Variants in CNTNAP2 observed in about 807,000 individuals in gnomAD.
The protein encoded by CNTNAP2 is contactin-associated protein-like 2.
CNTNAP2 carries 98 observed loss-of-function variants against 155.2 expected under a neutral mutation model. The ratio of observed to expected loss-of-function variants is 0.63; its 90% CI spans 0.54 to 0.75. The LOEUF is 0.75. CNTNAP2 is among the 30% of genes least tolerant of loss of function. The probability of loss-of-function intolerance (pLI) is 0.00; values close to 1 mark genes in which losing one functional copy is unlikely to be tolerated. For missense variants in CNTNAP2, 1,727 were observed against 1,688.1 expected, an observed-to-expected ratio of 1.02 and a Z score of -0.40; for synonymous variants, 651 against 631.2, an observed-to-expected ratio of 1.03 and a Z score of -0.47.
chr7:146,338,097 G>A (rs965968268), intron 1 of CNTNAP2, among the ~76,000 whole-genome samples: 1 of 152,128 alleles, frequency 6.6e-6, no homozygotes, highest in Admixed American at 6.5e-5. Context: ...GGGGACAAAT[G>A]GATATACAGA....
intron 1 of CNTNAP2, among the ~76,000 whole-genome samples, chr7:146,125,021 T>C (rs886884210): frequency 6.6e-6 from 1 of 152,190 alleles, no homozygotes; most frequent in African/African-American, 2.4e-5. Context: ...AGTATACTTA[T>C]GATTTAAGTC....
chr7:146,606,054 T>G (rs1354686197), intron 1 of CNTNAP2, among the ~76,000 whole-genome samples: 2 of 152,214 alleles, frequency 1.3e-5, no homozygotes, highest in Admixed American at 1.3e-4. Flanking sequence ...TTAATATGTA[T>G]GTATACATTT....
intron 8 of CNTNAP2, among the ~76,000 whole-genome samples, chr7:147,268,432 G>A (rs1327572624): frequency 6.6e-6 from 1 of 152,160 alleles, no homozygotes; most frequent in African/African-American, 2.4e-5. Context: ...AACACCACGT[G>A]TTCTCACGCA....
rs532828559 is a variant in CNTNAP2, at chr7:147,118,063, T to G, written c.755-2916T>G. 1.8e-4 allele frequency among the ~76,000 whole-genome samples: 28 copies of G among 152,130 alleles called. No homozygotes were observed. The East Asian group carries it at 5.2e-3, about 28-fold the overall frequency. ...AATACCAAGACATTAGGAGAAAATA[T>G]AGGCAAATGATATACAAGATAACTC... On this transcript the variant is annotated intron_variant, in intron 5 of 23. Transcript: ENST00000361727.
intron 13 of CNTNAP2, among the ~76,000 whole-genome samples, chr7:147,648,369 A>G (rs1795400834): frequency 6.6e-6 from 1 of 152,200 alleles, no homozygotes; most frequent in South Asian, 2.1e-4. Flanking sequence ...CATTTATCTC[A>G]TTTAACTCTC....
intron 4 of CNTNAP2, among the ~76,000 whole-genome samples, chr7:147,083,436 A>G (rs1458364084): frequency 2.0e-5 from 3 of 151,388 alleles, no homozygotes; most frequent in Non-Finnish European, 4.4e-5. Flanking sequence ...TGTATATTGT[A>G]ATGTGTACAT....
At chr7:146,789,311 A>G (rs1802631140) in intron 2 of CNTNAP2, among the ~76,000 whole-genome samples, 3 of 152,208 alleles carry the variant, frequency 2.0e-5, no homozygotes, top group South Asian at 4.1e-4. Flanking sequence ...GTTATAAAGC[A>G]TAACTAAAGT....
At chr7:147,824,445 C>T (rs925268083) in intron 13 of CNTNAP2, among the ~76,000 whole-genome samples, 1 of 152,060 alleles carries the variant, frequency 6.6e-6, no homozygotes, top group Admixed American at 6.6e-5. Context: ...GGGGGAAGTT[C>T]CAAATACTAC....
chr7:148,361,480 G>C (rs1168350093), intron 21 of CNTNAP2, among the ~76,000 whole-genome samples: 1 of 152,094 alleles, frequency 6.6e-6, no homozygotes, highest in Non-Finnish European at 1.5e-5. Context: ...GGTCCTCTTG[G>C]GGACTCAGAG....
intron 14 of CNTNAP2, among the ~76,000 whole-genome samples, chr7:147,966,954 A>G (rs1801225537): frequency 6.6e-6 from 1 of 152,064 alleles, no homozygotes; most frequent in Non-Finnish European, 1.5e-5. Flanking sequence ...AACGCTTCAG[A>G]AACACCGAGA....
chr7:147,851,679 G>C (rs982519530), intron 13 of CNTNAP2, among the ~76,000 whole-genome samples: 4 of 148,868 alleles, frequency 2.7e-5, no homozygotes, highest in Admixed American at 1.4e-4. Context: ...CAAACACCAC[G>C]TGTTCTCACT....
chr7:146,118,033 G>A (rs1185875514), intron 1 of CNTNAP2, among the ~76,000 whole-genome samples: 4 of 152,184 alleles, frequency 2.6e-5, no homozygotes, highest in African/African-American at 4.8e-5. Context: ...CGTCATATGC[G>A]AAGTAGTCTT....
intron 1 of CNTNAP2, among the ~76,000 whole-genome samples, chr7:146,423,412 G>GA: frequency 6.6e-6 from 1 of 152,154 alleles, no homozygotes; most frequent in South Asian, 2.1e-4. Context: ...ATTAATTGGA[G>GA]AAAAAAGTGC....
chr7:146,539,278 ATGGGTTTCTGAAGAATGAGGAAGG>A (rs1797916121), intron 1 of CNTNAP2, among the ~76,000 whole-genome samples: 1 of 152,070 alleles, frequency 6.6e-6, no homozygotes, highest in Non-Finnish European at 1.5e-5. Flanking sequence ...CTGCTGGTAC[ATGGGTTTCTGAAGAATGAGGAAGG>A]GTTAATCAGC....
At chr7:146,280,393 G>A (rs913656858) in intron 1 of CNTNAP2, among the ~76,000 whole-genome samples, 1 of 151,938 alleles carries the variant, frequency 6.6e-6, no homozygotes, top group African/African-American at 2.4e-5. Context: ...GTCAACAGGT[G>A]TCTGCCCTTT....
Position 148,062,028 on chromosome 7 carries a change from A to AGAGAGTGT in CNTNAP2, c.2384-56089_2384-56088insAGAGTGTG, listed in dbSNP as rs1388530831. Among the ~76,000 whole-genome samples the AGAGAGTGT allele has an allele frequency of 1.1e-3, 120 of 105,984 alleles. 2 individuals are homozygous for AGAGAGTGT. The highest frequency in any genetic ancestry group is 2.0e-3 in the South Asian group (6 of 3,016). 69.5% of individuals were successfully genotyped at this position (105,984 alleles called of 152,430 possible). On this transcript the variant is annotated intron_variant, in intron 15 of 23. Transcript: ENST00000361727. ...ATAGATGATAGAGAGAGAGAGAGAGAGTGTGTGTGTGTGTGTGTGTGTGTG... is the reference window on the plus strand; with the variant it reads ...ATAGATGATAGAGAGAGAGAGAGAGAGAGAGTGTGTGTGTGTGTGTGTGTGTGTGTGTG...
chr7:148,307,361 A>C (rs1797507885), intron 21 of CNTNAP2, among the ~76,000 whole-genome samples: 1 of 152,182 alleles, frequency 6.6e-6, no homozygotes, highest in Non-Finnish European at 1.5e-5. Context: ...TATCCAGTGG[A>C]AACTCTTGCC....
At chr7:146,461,964 C>T (rs1206038826) in intron 1 of CNTNAP2, among the ~76,000 whole-genome samples, 1 of 152,060 alleles carries the variant, frequency 6.6e-6, no homozygotes, top group African/African-American at 2.4e-5. Context: ...CTCTCATGCT[C>T]CATGGTTATT....
chr7:146,623,042 T>C (rs1374731587), intron 1 of CNTNAP2, among the ~76,000 whole-genome samples: 1 of 152,038 alleles, frequency 6.6e-6, no homozygotes, highest in Non-Finnish European at 1.5e-5. Context: ...TAAATTCTTG[T>C]TATCATGTAT....
Sources: allele counts gnomAD v4.1 joint callset (sites outside exome capture counted in the v4.1 genomes callset), GRCh38; gene constraint gnomAD v4.1.1; transcripts MANE v1.5; gene names NCBI Gene and HGNC (gene_info 2026-07-23, HGNC 2026-07-21).